Variants in SKIL observed in about 807,000 individuals in gnomAD.
SKIL encodes ski-like protein.
SKIL carries 20 observed loss-of-function variants against 69.6 expected under a neutral mutation model. That is an observed-to-expected ratio of 0.29 (90% CI 0.20 to 0.42). The LOEUF is 0.42. SKIL is among the 10% of genes least tolerant of loss of function. The pLI, the probability that SKIL is intolerant of heterozygous loss-of-function variation, is 1.00. For synonymous variants in SKIL, 310 were observed against 279.9 expected (o/e 1.11, Z -1.08); for missense variants, 745 against 783.1 (o/e 0.95, Z 0.58).
intron 2 of SKIL, among the ~76,000 whole-genome samples, chr3:170,379,422 A>T (rs1737209929): frequency 6.6e-6 from 1 of 152,058 alleles, no homozygotes; most frequent in Admixed American, 6.6e-5. Flanking sequence ...CACCTTAACC[A>T]TGCCACATTT....
intron 4 of SKIL, among the ~76,000 whole-genome samples, chr3:170,387,771 A>AAAG (rs1210123795): frequency 7.4e-6 from 1 of 134,786 alleles, no homozygotes; most frequent in African/African-American, 2.6e-5. Flanking sequence ...AAAAAAAAAA[A>AAAG]AAATACAAAA....
chr3:170,382,037 G>A (rs944469420), intron 3 of SKIL, among the ~76,000 whole-genome samples: 6 of 151,818 alleles, frequency 4.0e-5, no homozygotes, highest in East Asian at 3.9e-4. Context: ...AGCCGAGATC[G>A]CGTCATTGCA....
chr3:170,381,188 A>AATT, intron 2 of SKIL, 56 bp from the exon 3 acceptor site: 1 of 973,470 alleles, frequency 1.0e-6, no homozygotes, highest in South Asian at 1.3e-5. Flanking sequence ...TGACACATAA[A>AATT]ATTAACCTTC....
At chr3:170,371,094 A>G (rs1736781305) in intron 2 of SKIL, among the ~76,000 whole-genome samples, 1 of 152,228 alleles carries the variant, frequency 6.6e-6, no homozygotes, top group Non-Finnish European at 1.5e-5. Flanking sequence ...AGAAGAAAAC[A>G]CAATTTCCTC....
chr3:170,377,157 G>A (rs1465679154), intron 2 of SKIL, among the ~76,000 whole-genome samples: 4 of 152,092 alleles, frequency 2.6e-5, no homozygotes, highest in Admixed American at 6.6e-5. Flanking sequence ...ATGTAAATAA[G>A]TGATCAGTTT....
chr3:170,387,268 C>T (rs150136928), intron 4 of SKIL, among the ~76,000 whole-genome samples: 3 of 152,050 alleles, frequency 2.0e-5, no homozygotes, highest in South Asian at 2.1e-4. Flanking sequence ...GTGATCCACC[C>T]GCCTCGGCCC....
chr3:170,358,738 CTTTTT>C (rs1335106844), intron 1 of SKIL: 1 of 152,162 alleles, frequency 6.6e-6, no homozygotes, highest in Non-Finnish European at 1.5e-5. Context: ...AGAGTCTTTT[CTTTTT>C]CCCTCTTCCT....
intron 1 of SKIL, among the ~76,000 whole-genome samples, chr3:170,358,328 C>T (rs1394563146): frequency 2.7e-5 from 4 of 145,664 alleles, no homozygotes; most frequent in Non-Finnish European, 4.5e-5. Context: ...CGCGGGGGGG[C>T]GGTGTTGGGA....
chr3:170,387,921 G>A (rs74505194), intron 4 of SKIL, among the ~76,000 whole-genome samples: 87,645 of 120,076 alleles, frequency 0.73, 32,477 homozygotes, highest in East Asian at 0.84. Context: ...GCGACAGAGC[G>A]AGACTCCGTC....
Position 170,361,337 on chromosome 3 carries a change from T to C in SKIL, c.1006T>C (p.Leu336=), listed in dbSNP as rs1022681991. Residue 336 remains leucine, a synonymous_variant, in exon 2 of 7, where the codon TTA becomes CTA. Transcript: ENST00000259119. The stretch of plus-strand genomic sequence containing the variant: ...CTATCTTCATGTGAACCAAAAATAC[T>C]TAGGAACACCTGAAGAAAAGAAACT... The part of the protein sequence containing the change: ...HCYLHVNQKY[L]GTPEEKKLKI... 45 of 1,613,238 alleles carry C rather than the reference T, an allele frequency of 2.8e-5. No homozygotes were observed. Among genetic ancestry groups the C allele is most frequent in the Non-Finnish European group, 3.6e-5 (42 of 1,179,806 alleles).
intron 4 of SKIL, among the ~76,000 whole-genome samples, chr3:170,388,959 T>C (rs981622037): frequency 1.3e-5 from 2 of 151,984 alleles, no homozygotes; most frequent in African/African-American, 4.8e-5. Flanking sequence ...AACCTCCACC[T>C]CCCGGGTTCA....
chr3:170,364,221 A>G (rs1464734689), intron 2 of SKIL, among the ~76,000 whole-genome samples: 1 of 150,488 alleles, frequency 6.6e-6, no homozygotes, highest in Admixed American at 6.6e-5. Flanking sequence ...CCAAAATGCT[A>G]GGATTACAGG....
At chr3:170,363,016 TAAC>T (rs781382848) in intron 2 of SKIL, among the ~76,000 whole-genome samples, 6 of 151,874 alleles carry the variant, frequency 4.0e-5, no homozygotes, top group African/African-American at 1.2e-4. Flanking sequence ...TAATGTGTAA[TAAC>T]AGTTCCTAAC....
intron 2 of SKIL, among the ~76,000 whole-genome samples, chr3:170,373,610 T>C (rs1736887906): frequency 6.6e-6 from 1 of 152,184 alleles, no homozygotes. Flanking sequence ...TAATTAAAGA[T>C]CAAAATAGTA....
At chr3:170,365,993 T>A (rs1191339488) in intron 2 of SKIL, among the ~76,000 whole-genome samples, 1 of 151,604 alleles carries the variant, frequency 6.6e-6, no homozygotes, top group Non-Finnish European at 1.5e-5. Flanking sequence ...TGACCTCAGA[T>A]GATCCACCTG....
rs1738065285 is a variant in SKIL, at chr3:170,394,112, CA to C, written c.*1698del. ...CAAATATTAAAATGACATGTAGAAA[CA>C]AATTTTTTTTTTTTTTTTTTTTTTT... is the stretch of plus-strand genomic sequence containing the variant. On this transcript the variant is annotated 3_prime_UTR_variant, in exon 7 of 7. Transcript: ENST00000259119. 4.2e-5 allele frequency: 5 copies of C among 117,964 alleles called. 1 individual carries two copies. Among genetic ancestry groups the C allele is most frequent in the South Asian group, 2.8e-4 (1 of 3,566 alleles). 7.3% of individuals were successfully genotyped at this position (117,964 alleles called of 1,614,324 possible).
intron 2 of SKIL, among the ~76,000 whole-genome samples, chr3:170,379,023 C>T (rs547990700): frequency 1.4e-3 from 207 of 152,012 alleles, no homozygotes; most frequent in Admixed American, 3.2e-3. Context: ...ATTACAAGTG[C>T]GTACCACCAT....
intron 2 of SKIL, among the ~76,000 whole-genome samples, chr3:170,370,628 A>C (rs1403100244): frequency 6.6e-6 from 1 of 152,010 alleles, no homozygotes; most frequent in African/African-American, 2.4e-5. Context: ...ACAAACCAGC[A>C]TTTCGTTTTT....
chr3:170,359,102 C>T (rs1333107054), intron 1 of SKIL, among the ~76,000 whole-genome samples: 2 of 152,086 alleles, frequency 1.3e-5, no homozygotes, highest in Non-Finnish European at 2.9e-5. Context: ...GAGAAAGCCC[C>T]GGTACTACTA....
Sources: gnomAD v4.1 joint callset for allele counts (sites outside exome capture counted in the v4.1 genomes callset) on GRCh38, gnomAD v4.1.1 for gene constraint, MANE v1.5 for transcripts, NCBI Gene and HGNC (gene_info 2026-07-23, HGNC 2026-07-21) for gene names.